Variants in NPY observed in about 807,000 individuals in gnomAD.
The protein encoded by NPY is pro-neuropeptide Y.
In NPY, 11 loss-of-function variants were observed where a neutral mutation model predicts 13.2. The observed-to-expected ratio is 0.83, with a 90% CI of 0.52 to 1.38. The LOEUF (loss-of-function observed/expected upper bound fraction) is 1.38, where lower values mean the gene tolerates loss of function less well. NPY is among the 40% of genes most tolerant of loss of function. The probability of loss-of-function intolerance (pLI) is 0.00; values close to 1 mark genes in which losing one functional copy is unlikely to be tolerated. For missense variants in NPY, 109 were observed against 125.1 expected, an observed-to-expected ratio of 0.87 and a Z score of 0.61; for synonymous variants, 51 against 55.6, an observed-to-expected ratio of 0.92 and a Z score of 0.37.
Position 24,289,581 on chromosome 7 carries a change from T to A in NPY, c.269+2T>A, listed in dbSNP as rs938748192. 4 of 1,608,764 alleles carry A rather than the reference T, an allele frequency of 2.5e-6. No individual in the cohort carries two copies. In the African/African-American group the frequency reaches 5.4e-5, roughly 22 times the overall value. On this transcript the variant is annotated splice_donor_variant, in intron 3 of 3. Transcript: ENST00000242152. LOFTEE classifies it high-confidence loss of function. ...CACAGAAAATGTTCCCAGAACTCGG[T>A]ATGACAAGGCTTGTGATGGGGACAT... is the stretch of plus-strand genomic sequence containing the variant.
chr7:24,286,059 A>C (rs1249335502), intron 2 of NPY, among the ~76,000 whole-genome samples: 1 of 152,236 alleles, frequency 6.6e-6, no homozygotes, highest in Non-Finnish European at 1.5e-5. Context: ...AGTTTATCTA[A>C]AATGCAGAGG....
In NPY at chr7:24,285,446, A is replaced by ACCGATT; in HGVS notation, c.188+22_188+27dup. On this transcript the variant is annotated intron_variant, in intron 2 of 3. Transcript: ENST00000242152. The surrounding 1 kb of genome is among the most constrained non-coding windows in gnomAD (Gnocchi z 4.9). Reference sequence around the variant, plus strand: ...AGGCAGAGGTGGGTGGGACCGCGGGACCGATTCCGGGAGCGCCAGTGCCTG... The same window carrying ACCGATT: ...AGGCAGAGGTGGGTGGGACCGCGGGACCGATTCCGATTCCGGGAGCGCCAGTGCCTG... The ACCGATT allele has an allele frequency of 6.2e-7, 1 of 1,604,550 alleles. No individual in the cohort carries two copies.
At chr7:24,289,196 A>C (rs1047096043) in intron 2 of NPY, among the ~76,000 whole-genome samples, 1 of 152,192 alleles carries the variant, frequency 6.6e-6, no homozygotes, top group Non-Finnish European at 1.5e-5. Flanking sequence ...ATGTATCTCT[A>C]TACATATTAT....
At chr7:24,290,990 A>T (rs1158029360) in intron 3 of NPY, among the ~76,000 whole-genome samples, 1 of 152,076 alleles carries the variant, frequency 6.6e-6, no homozygotes, top group Non-Finnish European at 1.5e-5. Flanking sequence ...TTTCACTGAC[A>T]TGCATATGAT....
intron 3 of NPY, among the ~76,000 whole-genome samples, chr7:24,290,776 AT>A (rs1787573810): frequency 1.0e-3 from 1 of 974 alleles, no homozygotes; most frequent in Non-Finnish European, 2.2e-3. Context: ...AATAATAATA[AT>A]TATTATTATT....
chr7:24,289,426 A>AAAAAAAAAG (rs1245291777), intron 2 of NPY, 73 bp from the exon 3 acceptor site: 1 of 998,234 alleles, frequency 1.0e-6, no homozygotes, highest in African/African-American at 1.6e-5. Flanking sequence ...CCCAAATAGG[A>AAAAAAAAAG]GACTATCTTC....
At chr7:24,284,642 G>A (rs1326057640) in intron 1 of NPY, among the ~76,000 whole-genome samples, 1 of 152,156 alleles carries the variant, frequency 6.6e-6, no homozygotes, top group African/African-American at 2.4e-5. Context: ...CGGTAGGAAG[G>A]TTTCCCCGGC....
chr7:24,285,128 T>G lies in NPY; in HGVS notation c.1-113T>G. The G allele has an allele frequency of 5.1e-5, 54 of 1,063,208 alleles. No individual in the cohort carries two copies. Among genetic ancestry groups the G allele is most frequent in the Non-Finnish European group, 7.0e-5 (49 of 701,054 alleles). The allele number at this position is 1,063,208 out of a possible 1,614,324, so 65.9% of individuals were successfully genotyped here. A position where few individuals can be genotyped will look rare whatever the true frequency, so the allele number is the denominator to read the frequency against. The stretch of plus-strand genomic sequence containing the variant: ...TCTGCGGGACTGGGACGAGAGCGGA[T>G]TGGGGGTCGCGTGTGGTAGCAGGAG... On this transcript the variant is annotated intron_variant, in intron 1 of 3. Coordinates refer to ENST00000242152, the MANE Select transcript of NPY (RefSeq NM_000905.4). The surrounding 1 kb of genome is among the most constrained non-coding windows in gnomAD (Gnocchi z 4.9).
Position 24,285,491 on chromosome 7 carries a change from G to T in NPY, c.188+63G>T. ...TGCCTGCACACCAGGAGATCCTGGG[G>T]ATGTTAGGGAAAGGGATTGTTTCTT... On this transcript the variant is annotated intron_variant, in intron 2 of 3. Transcript: ENST00000242152. The surrounding 1 kb of genome is among the most constrained non-coding windows in gnomAD (Gnocchi z 4.9). The T allele has an allele frequency of 6.6e-7, 1 of 1,509,910 alleles. No individual in the cohort carries two copies. Among genetic ancestry groups the T allele is most frequent in the Non-Finnish European group, 9.1e-7 (1 of 1,103,808 alleles). The allele number at this position is 1,509,910 out of a possible 1,614,324, so 93.5% of individuals were successfully genotyped here. A position where few individuals can be genotyped will look rare whatever the true frequency, so the allele number is the denominator to read the frequency against.
chr7:24,288,359 G>C (rs548961261), intron 2 of NPY, among the ~76,000 whole-genome samples: 1 of 152,276 alleles, frequency 6.6e-6, no homozygotes, highest in South Asian at 2.1e-4. Context: ...CTTCCCTTGA[G>C]TCTCAGCAAA....
At chr7:24,284,903 G>T in intron 1 of NPY, 1 of 400,858 alleles carries the variant, frequency 2.5e-6, no homozygotes, top group East Asian at 5.6e-5. Context: ...AGGGAGAAAA[G>T]TGACCCAGCA....
chr7:24,289,156 T>C (rs771147574), intron 2 of NPY, among the ~76,000 whole-genome samples: 2 of 152,216 alleles, frequency 1.3e-5, no homozygotes, highest in Admixed American at 6.5e-5. Context: ...TTCCATGTTT[T>C]CAAATTTCCT....
At chr7:24,284,609 C>A (rs1455587855) in intron 1 of NPY, among the ~76,000 whole-genome samples, 1 of 152,204 alleles carries the variant, frequency 6.6e-6, no homozygotes, top group African/African-American at 2.4e-5. Context: ...GGGTCGCCGC[C>A]TTGAGGCCCA....
rs5576 is a variant in NPY, at chr7:24,291,732, A to G, written c.*45A>G. On this transcript the variant is annotated 3_prime_UTR_variant, in exon 4 of 4. Coordinates refer to ENST00000242152, the MANE Select transcript of NPY (RefSeq NM_000905.4). ...TCTGGCCTTTTCCTATTTTCAGCCC[A>G]TATTTCATCGTGTAAAACGAGAATC... The G allele has an allele frequency of 1.7e-3, 2,695 of 1,612,246 alleles. 41 individuals are homozygous for G. The African/African-American group carries it at 0.032, about 19-fold the overall frequency.
chr7:24,290,775 A>AATAATTATTATTATTATTATT (rs10701264), intron 3 of NPY, among the ~76,000 whole-genome samples: 10,412 of 129,438 alleles, frequency 0.08, 523 homozygotes, highest in East Asian at 0.12. Context: ...TAATAATAAT[A>AATAATTATTATTATTATTATT]ATTATTATTA....
At chr7:24,291,455 C>G (rs1008956491) in intron 3 of NPY, among the ~76,000 whole-genome samples, 1 of 152,178 alleles carries the variant, frequency 6.6e-6, no homozygotes, top group Admixed American at 6.5e-5. Flanking sequence ...CTGTCAACAT[C>G]GTGGAATGCT....
Position 24,285,348 on chromosome 7 carries a change from G to A in NPY, c.108G>A (p.Pro36=), listed in dbSNP as rs761880789. Residue 36 remains proline (P), a synonymous_variant, in exon 2 of 4, where the codon CCG becomes CCA. Coordinates refer to ENST00000242152, the MANE Select transcript of NPY (RefSeq NM_000905.4). This position sits in a 1 kb window ranked among gnomAD's most constrained non-coding sequence, Gnocchi z 4.9. ...AEAYPSKPDN[P]GEDAPAEDMA... ...CGTACCCCTCCAAGCCGGACAACCC[G>A]GGCGAGGACGCACCAGCGGAGGACA... 40 of 1,613,936 alleles carry A rather than the reference G, an allele frequency of 2.5e-5. No individual in the cohort carries two copies. In the Admixed American group the frequency reaches 5.7e-4, roughly 23 times the overall value.
intron 3 of NPY, 114 bp from the exon 4 acceptor site, chr7:24,291,549 A>T (rs961036891): frequency 8.0e-7 from 1 of 1,246,684 alleles, no homozygotes; most frequent in African/African-American, 1.5e-5. Context: ...CCAACAGGAA[A>T]CTTTTCAACA....
At chr7:24,290,091 C>T (rs1368619414) in intron 3 of NPY, among the ~76,000 whole-genome samples, 1 of 152,124 alleles carries the variant, frequency 6.6e-6, no homozygotes, top group Non-Finnish European at 1.5e-5. Flanking sequence ...TTTAATTCAA[C>T]TTGTGTCATA....
Sources: allele counts gnomAD v4.1 joint callset (sites outside exome capture counted in the v4.1 genomes callset), GRCh38; gene constraint gnomAD v4.1.1; non-coding constraint Gnocchi (gnomAD v3.1); transcripts MANE v1.5; gene names NCBI Gene and HGNC (gene_info 2026-07-23, HGNC 2026-07-21).